Variants in MAD1L1 observed in about 807,000 individuals in gnomAD.
MAD1L1 encodes the protein mitotic spindle assembly checkpoint protein MAD1.
MAD1L1 carries 95 observed loss-of-function variants against 96.9 expected under a neutral mutation model. That is an observed-to-expected ratio of 0.98 (90% CI 0.83 to 1.16). The LOEUF (loss-of-function observed/expected upper bound fraction) is 1.16, where lower values mean the gene tolerates loss of function less well. Ranked by LOEUF, MAD1L1 falls within the 50% of genes most tolerant of loss-of-function variation. MAD1L1 has a pLI of 0.00. For missense variants in MAD1L1, 1,007 were observed against 954.4 expected (o/e 1.06, Z -0.73); for synonymous variants, 473 against 396.6 (o/e 1.19, Z -2.29).
intron 10 of MAD1L1, among the ~76,000 whole-genome samples, chr7:2,208,562 T>C (rs1289916790): frequency 7.2e-5 from 11 of 152,224 alleles, no homozygotes; most frequent in African/African-American, 2.4e-4. Context: ...GGAAGTTCTC[T>C]TCTCTTCCTA....
At position 2,141,471 on chromosome 7, in the gene MAD1L1, C is replaced by T. The variant is rs146701611; in HGVS notation, c.1073+7681G>A. ...CCATACTGGGGGGCCACAGAGAACC[C>T]GGCATTGGCAGGATGGGCACCGGGT... On this transcript the variant is annotated intron_variant, in intron 11 of 18. Coordinates refer to ENST00000265854, the MANE Select transcript of MAD1L1 (RefSeq NM_001013836.2). Among the ~76,000 whole-genome samples the T allele has an allele frequency of 2.2e-3, 336 of 152,282 alleles. 2 individuals are homozygous for T. Among genetic ancestry groups the T allele is most frequent in the African/African-American group, 7.6e-3 (315 of 41,548 alleles).
At chr7:2,039,123 G>T (rs1400036019) in intron 12 of MAD1L1, among the ~76,000 whole-genome samples, 1 of 152,232 alleles carries the variant, frequency 6.6e-6, no homozygotes, top group Non-Finnish European at 1.5e-5. Flanking sequence ...GGATCATGCA[G>T]CACACGACCT....
intron 11 of MAD1L1, among the ~76,000 whole-genome samples, chr7:2,102,977 T>C (rs1338800340): frequency 6.6e-6 from 1 of 152,192 alleles, no homozygotes; most frequent in Non-Finnish European, 1.5e-5. Flanking sequence ...GAGGTGGCAC[T>C]GTCCCCTCTC....
intron 11 of MAD1L1, among the ~76,000 whole-genome samples, chr7:2,123,331 A>G (rs1788070556): frequency 6.9e-6 from 1 of 145,764 alleles, no homozygotes; most frequent in Non-Finnish European, 1.5e-5. Context: ...GCAGCAGGGG[A>G]GCTCAGCCAG....
intron 17 of MAD1L1, among the ~76,000 whole-genome samples, chr7:1,933,414 C>T (rs767607556): frequency 1.3e-5 from 2 of 152,142 alleles, no homozygotes; most frequent in Non-Finnish European, 2.9e-5. Flanking sequence ...GGGCACGTGG[C>T]GGGGGTGTGC....
intron 18 of MAD1L1, among the ~76,000 whole-genome samples, chr7:1,893,813 C>T (rs1396834176): frequency 1.3e-5 from 2 of 152,182 alleles, no homozygotes; most frequent in Non-Finnish European, 1.5e-5. Context: ...AGGAGCTGCC[C>T]GGGACAAGGT....
At chr7:1,914,650 G>C (rs939812671) in intron 17 of MAD1L1, among the ~76,000 whole-genome samples, 1 of 152,196 alleles carries the variant, frequency 6.6e-6, no homozygotes, top group Admixed American at 6.5e-5. Flanking sequence ...GTCTCACTAT[G>C]TTGCCCAGGG....
At chr7:1,916,697 C>CCCTGTG (rs1178850654) in intron 17 of MAD1L1, among the ~76,000 whole-genome samples, 1 of 152,144 alleles carries the variant, frequency 6.6e-6, no homozygotes, top group African/African-American at 2.4e-5. Flanking sequence ...CGTGTCCATG[C>CCCTGTG]CCTGTGCTGC....
At chr7:1,997,285 G>A (rs1469573991) in intron 14 of MAD1L1, among the ~76,000 whole-genome samples, 1 of 152,254 alleles carries the variant, frequency 6.6e-6, no homozygotes, top group Non-Finnish European at 1.5e-5. Flanking sequence ...AGACGGGACG[G>A]GCACTAGGGC....
chr7:2,040,884 T>C (rs1459241601), intron 12 of MAD1L1, among the ~76,000 whole-genome samples: 1 of 152,242 alleles, frequency 6.6e-6, no homozygotes, highest in East Asian at 1.9e-4. Flanking sequence ...GGCTGCTCTT[T>C]GGAATCGCTC....
intron 12 of MAD1L1, among the ~76,000 whole-genome samples, chr7:2,060,428 C>A (rs1385973959): frequency 1.3e-5 from 2 of 151,464 alleles, no homozygotes; most frequent in African/African-American, 2.4e-5. Flanking sequence ...CTGAGATACG[C>A]CGATGCTGAG....
At chr7:2,055,545 C>G (rs746236888) in intron 12 of MAD1L1, among the ~76,000 whole-genome samples, 79 of 151,994 alleles carry the variant, frequency 5.2e-4, no homozygotes, top group Admixed American at 1.0e-3. Flanking sequence ...GTGGTGGCAC[C>G]TGAAGTCCCA....
At chr7:1,906,330 T>A (rs1787629697) in intron 17 of MAD1L1, among the ~76,000 whole-genome samples, 1 of 152,090 alleles carries the variant, frequency 6.6e-6, no homozygotes, top group Non-Finnish European at 1.5e-5. Flanking sequence ...ATCTCCATGC[T>A]CCCACAGCAA....
chr7:2,169,082 C>T (rs1283310116), intron 10 of MAD1L1, among the ~76,000 whole-genome samples: 1 of 152,230 alleles, frequency 6.6e-6, no homozygotes, highest in East Asian at 1.9e-4. Context: ...CCGGAAACAA[C>T]CTGAATATTC....
At chr7:2,176,121 G>A (rs1177490325) in intron 10 of MAD1L1, among the ~76,000 whole-genome samples, 1 of 152,228 alleles carries the variant, frequency 6.6e-6, no homozygotes, top group African/African-American at 2.4e-5. Context: ...GCCAAGGTGA[G>A]TGGATCACTT....
chr7:2,132,432 G>A (rs1030970618), intron 11 of MAD1L1, among the ~76,000 whole-genome samples: 12 of 151,038 alleles, frequency 7.9e-5, no homozygotes, highest in Non-Finnish European at 1.6e-4. Flanking sequence ...GCGTGCGACC[G>A]CGCGTCCACC....
At chr7:2,052,201 C>T (rs185092118) in intron 12 of MAD1L1, among the ~76,000 whole-genome samples, 71 of 152,282 alleles carry the variant, frequency 4.7e-4, no homozygotes, top group African/African-American at 1.6e-3. Context: ...TCGTCCTCGC[C>T]ACGCGCACAG....
intron 13 of MAD1L1, among the ~76,000 whole-genome samples, chr7:2,003,256 G>A (rs552243481): frequency 7.9e-5 from 12 of 152,304 alleles, no homozygotes; most frequent in African/African-American, 2.4e-4. Context: ...GCGGGGAGGC[G>A]TGTGTATGTG....
chr7:2,055,255 A>G (rs1784340645), intron 12 of MAD1L1, among the ~76,000 whole-genome samples: 1 of 152,166 alleles, frequency 6.6e-6, no homozygotes, highest in Admixed American at 6.5e-5. Flanking sequence ...GACAGTGAGG[A>G]CAGCAGGTAG....
Sources: gnomAD v4.1 joint callset for allele counts (sites outside exome capture counted in the v4.1 genomes callset) on GRCh38, gnomAD v4.1.1 for gene constraint, MANE v1.5 for transcripts, NCBI Gene and HGNC (gene_info 2026-07-23, HGNC 2026-07-21) for gene names.